AGMO: variants seen among roughly 807,000 people sequenced by gnomAD.
AGMO encodes the protein glyceryl-ether monooxygenase.
In AGMO, 75 loss-of-function variants were observed where a neutral mutation model predicts 60.2. The ratio of observed to expected loss-of-function variants is 1.25; its 90% CI spans 1.03 to 1.51. The LOEUF (loss-of-function observed/expected upper bound fraction) is 1.51. Among genes scored for constraint, AGMO ranks in the 40% most tolerant of loss-of-function variants. AGMO has a pLI of 0.00. For synonymous variants in AGMO, 261 were observed against 177.1 expected (o/e 1.47, Z -3.76); for missense variants, 763 against 525.5 (o/e 1.45, Z -4.42).
At chr7:15,347,076 A>AATGTAGGTACTACATTAAG (rs1782061202) in intron 12 of AGMO, among the ~76,000 whole-genome samples, 4 of 151,712 alleles carry the variant, frequency 2.6e-5, no homozygotes, top group South Asian at 2.1e-4. Context: ...ACTACATTAA[A>AATGTAGGTACTACATTAAG]ATGAATCAAA....
chr7:15,327,400 A>G (rs1781373461), intron 12 of AGMO, among the ~76,000 whole-genome samples: 1 of 152,170 alleles, frequency 6.6e-6, no homozygotes, highest in African/African-American at 2.4e-5. Flanking sequence ...CCGGATACAA[A>G]AAAGAAAAGC....
intron 3 of AGMO, among the ~76,000 whole-genome samples, chr7:15,485,411 A>G (rs981451534): frequency 5.3e-5 from 8 of 152,192 alleles, no homozygotes; most frequent in African/African-American, 1.7e-4. Context: ...ATTGTCAACA[A>G]TATCAGTTCA....
At chr7:15,320,602 A>G (rs1004926877) in intron 12 of AGMO, among the ~76,000 whole-genome samples, 1 of 152,104 alleles carries the variant, frequency 6.6e-6, no homozygotes, top group African/African-American at 2.4e-5. Flanking sequence ...TAAACTTAAG[A>G]GTTTATTTTC....
chr7:15,203,166 G>A (rs1309705361), intron 12 of AGMO, among the ~76,000 whole-genome samples: 7 of 151,888 alleles, frequency 4.6e-5, no homozygotes, highest in East Asian at 3.9e-4. Flanking sequence ...TAAAGTTTTC[G>A]GAGTATTCTC....
At chr7:15,454,730 C>T (rs1409515868) in intron 3 of AGMO, among the ~76,000 whole-genome samples, 6 of 152,016 alleles carry the variant, frequency 3.9e-5, no homozygotes, top group Non-Finnish European at 8.8e-5. Flanking sequence ...TGATCACCAT[C>T]GTTTCAAAAG....
intron 10 of AGMO, among the ~76,000 whole-genome samples, chr7:15,373,304 T>C (rs1783303935): frequency 6.6e-6 from 1 of 151,726 alleles, no homozygotes; most frequent in African/African-American, 2.4e-5. Flanking sequence ...ATTTGGTAGC[T>C]CGTTTTCATA....
At chr7:15,244,753 GC>G (rs1782693056) in intron 12 of AGMO, among the ~76,000 whole-genome samples, 1 of 152,086 alleles carries the variant, frequency 6.6e-6, no homozygotes, top group South Asian at 2.1e-4. Flanking sequence ...CCGGGTTCAT[GC>G]CTTTCTCCTG....
chr7:15,305,005 G>A (rs1366864305), intron 12 of AGMO, among the ~76,000 whole-genome samples: 1 of 151,906 alleles, frequency 6.6e-6, no homozygotes, highest in African/African-American at 2.4e-5. Flanking sequence ...TGAGCTAGTT[G>A]ACATTGAGTA....
At chr7:15,533,403 A>C (rs371839210) in intron 3 of AGMO, among the ~76,000 whole-genome samples, 288 of 152,220 alleles carry the variant, frequency 1.9e-3, no homozygotes, top group African/African-American at 6.4e-3. Flanking sequence ...GGTTTTATTA[A>C]ATTATGATTG....
At chr7:15,379,866 CA>C (rs1297473501) in intron 10 of AGMO, among the ~76,000 whole-genome samples, 2 of 152,122 alleles carry the variant, frequency 1.3e-5, no homozygotes, top group Non-Finnish European at 2.9e-5. Context: ...ATACACAAAT[CA>C]GTCAATGTGA....
intron 3 of AGMO, among the ~76,000 whole-genome samples, chr7:15,475,960 C>G (rs1185270507): frequency 6.6e-6 from 1 of 152,030 alleles, no homozygotes; most frequent in Non-Finnish European, 1.5e-5. Context: ...GCTTCCAAAT[C>G]ATGACGTAAT....
chr7:15,484,933 A>G (rs146354236), intron 3 of AGMO, among the ~76,000 whole-genome samples: 100 of 152,280 alleles, frequency 6.6e-4, no homozygotes, highest in African/African-American at 2.3e-3. Context: ...GTAGAGGGGT[A>G]GATGAGAAGT....
At chr7:15,248,150 G>T (rs1782804948) in intron 12 of AGMO, among the ~76,000 whole-genome samples, 1 of 109,636 alleles carries the variant, frequency 9.1e-6, no homozygotes, top group Non-Finnish European at 1.8e-5. Flanking sequence ...ATGTCATAAA[G>T]AAGTGTCACA....
chr7:15,495,673 T>G (rs952246609), intron 3 of AGMO, among the ~76,000 whole-genome samples: 1 of 152,144 alleles, frequency 6.6e-6, no homozygotes, highest in African/African-American at 2.4e-5. Context: ...TGACATTTAT[T>G]TCTCACAGTT....
intron 3 of AGMO, among the ~76,000 whole-genome samples, chr7:15,437,285 AT>A (rs1249683670): frequency 6.6e-6 from 1 of 152,204 alleles, no homozygotes; most frequent in East Asian, 1.9e-4. Context: ...GATGATAAAA[AT>A]AAATGGCATT....
chr7:15,219,778 GAGA>G (rs1162835502), intron 12 of AGMO, among the ~76,000 whole-genome samples: 2 of 152,268 alleles, frequency 1.3e-5, no homozygotes, highest in South Asian at 2.1e-4. Context: ...TGGGGATGGA[GAGA>G]AGAAGATGGA....
chr7:15,394,576 A>C (rs1784294259), intron 5 of AGMO, among the ~76,000 whole-genome samples: 1 of 152,206 alleles, frequency 6.6e-6, no homozygotes, highest in Non-Finnish European at 1.5e-5. Flanking sequence ...TGTATTACAC[A>C]CCACTATCAC....
chr7:15,483,272 TA>T (rs1220494198), intron 3 of AGMO, among the ~76,000 whole-genome samples: 4 of 152,190 alleles, frequency 2.6e-5, no homozygotes, highest in Non-Finnish European at 5.9e-5. Context: ...TTTTAAATGG[TA>T]CAATATTTAA....
chr7:15,161,408 C>G, the AGMO span, among the ~76,000 whole-genome samples: 1 of 151,446 alleles, frequency 6.6e-6, no homozygotes, highest in Non-Finnish European at 1.5e-5. Flanking sequence ...CTCTCTATCT[C>G]TCTCTCTCTC....
Sources: gnomAD v4.1 joint callset for allele counts (sites outside exome capture counted in the v4.1 genomes callset) on GRCh38, gnomAD v4.1.1 for gene constraint, MANE v1.5 for transcripts, NCBI Gene and HGNC (gene_info 2026-07-23, HGNC 2026-07-21) for gene names.